Variants in CARD10 observed in about 807,000 individuals in gnomAD.
The protein encoded by CARD10 is caspase recruitment domain family member 10.
Under a neutral mutation model 114.6 loss-of-function variants are expected in CARD10, and 49 were observed. The ratio of observed to expected loss-of-function variants is 0.43; its 90% confidence interval spans 0.34 to 0.54. The LOEUF is 0.54. Ranked by LOEUF, CARD10 falls within the 20% of genes least tolerant of loss-of-function variation. The probability of loss-of-function intolerance (pLI) is 0.03; values close to 1 mark genes in which losing one functional copy is unlikely to be tolerated. For synonymous variants in CARD10, 602 were observed against 593.2 expected (o/e 1.01, Z -0.21); for missense variants, 1,206 against 1,397.2 (o/e 0.86, Z 2.18).
chr22:37,494,216 T>A, intron 15 of CARD10, 28 bp from the exon 16 acceptor site: 1 of 1,467,004 alleles, frequency 6.8e-7, no homozygotes, highest in South Asian at 1.2e-5. Flanking sequence ...CAGAGGAGCA[T>A]CTGAGAGCTC....
At chr22:37,511,664 G>C (rs984199878) in intron 3 of CARD10, among the ~76,000 whole-genome samples, 7 of 151,836 alleles carry the variant, frequency 4.6e-5, no homozygotes, top group Admixed American at 2.6e-4. Flanking sequence ...GAGGGGAGAG[G>C]AGAGGGCAAT....
Position 37,491,336 on chromosome 22 carries a change from G to C in CARD10, c.2922C>G (p.Gly974=), listed in dbSNP as rs566988088. 1.9e-6 allele frequency: 3 copies of C among 1,549,762 alleles called. No homozygotes were observed. The South Asian group carries it at 3.5e-5, about 18-fold the overall frequency. Residue 974 remains glycine, a synonymous_variant, in exon 20 of 20, where the codon GGC becomes GGG. Coordinates refer to ENST00000251973, the MANE Select transcript of CARD10 (RefSeq NM_014550.4). ...RDSELLRQCR[G]SEQVLWGLPC... is the part of the protein sequence containing the mutation. ...GCAGCCCCCAGAGCACCTGCTCTGAGCCACGGCACTGCCGCAGCAGCTCTG... is the reference window on the plus strand; with the variant it reads ...GCAGCCCCCAGAGCACCTGCTCTGACCCACGGCACTGCCGCAGCAGCTCTG...
chr22:37,492,852 T>C lies in CARD10; in HGVS notation c.2477-50A>G, dbSNP rs1922856599. The C allele has an allele frequency of 6.3e-7, 1 of 1,579,060 alleles. No individual in the cohort carries two copies. The highest frequency in any genetic ancestry group is 8.6e-7 in the Non-Finnish European group (1 of 1,166,772). ...GAGATAAGGGCACAGGCAGGCAGCA[T>C]ACCAGCTCGTCGATACCCCAAAACC... On this transcript the variant is annotated intron_variant, in intron 16 of 19. Transcript: ENST00000251973. The surrounding 1 kb of genome is among the most constrained non-coding windows in gnomAD (Gnocchi z 5.7).
intron 3 of CARD10, chr22:37,514,531 AG>A (rs1923769484): frequency 6.6e-6 from 1 of 152,466 alleles, no homozygotes; most frequent in Non-Finnish European, 1.5e-5. Flanking sequence ...TACATCCTCA[AG>A]CAGGACCAGC....
chr22:37,505,783 C>T (rs1161992022), intron 7 of CARD10, among the ~76,000 whole-genome samples: 3 of 152,132 alleles, frequency 2.0e-5, no homozygotes, highest in Non-Finnish European at 2.9e-5. Context: ...GGGCCCTGTG[C>T]GATGAGAGGA....
At chr22:37,509,676 T>A (rs1294810508) in intron 4 of CARD10, among the ~76,000 whole-genome samples, 1 of 141,510 alleles carries the variant, frequency 7.1e-6, no homozygotes, top group African/African-American at 2.8e-5. Context: ...CCCTGGTACC[T>A]GCTGCAGGCC....
At chr22:37,498,338 C>G (rs1923081780) in intron 11 of CARD10, among the ~76,000 whole-genome samples, 1 of 152,212 alleles carries the variant, frequency 6.6e-6, no homozygotes, top group African/African-American at 2.4e-5. Context: ...TGGTAGGGTT[C>G]TGCCTGTCCC....
In CARD10 at chr22:37,504,242, G is replaced by A. The variant is rs757890774; in HGVS notation, c.1578C>T (p.Pro526=). 1.1e-5 allele frequency: 17 copies of A among 1,576,284 alleles called. No individual in the cohort carries two copies. In the Admixed American group the frequency reaches 3.1e-4, roughly 29 times the overall value. ...INRLSILPFP[P]SAGSILRRQR... ...GCCGGCGGAGGATGGAGCCGGCACT[G>A]GGGGGGAAGGGCAGGATGGAGAGCC... Residue 526 remains proline, a synonymous_variant, in exon 9 of 20, where the codon CCC becomes CCT. Coordinates refer to ENST00000251973, the MANE Select transcript of CARD10 (RefSeq NM_014550.4).
At chr22:37,509,050 C>T (rs1175118025) in intron 4 of CARD10, 1 of 1,549,914 alleles carries the variant, frequency 6.5e-7, no homozygotes, top group Admixed American at 2.0e-5. Context: ...GACCTACTCC[C>T]ACCCCCATGA....
At chr22:37,495,644 C>T in intron 14 of CARD10, 58 bp from the exon 15 acceptor site, 4 of 1,611,148 alleles carry the variant, frequency 2.5e-6, no homozygotes, top group Non-Finnish European at 3.4e-6. Flanking sequence ...CATTTCTCCT[C>T]GAACCCCCCG....
chr22:37,496,689 T>C lies in CARD10; in HGVS notation c.1948-129A>G. On this transcript the variant is annotated intron_variant, in intron 12 of 19. Coordinates refer to ENST00000251973, the MANE Select transcript of CARD10 (RefSeq NM_014550.4). The surrounding 1 kb of genome is among the most constrained non-coding windows in gnomAD (Gnocchi z 4.1). ...GTTCAGATAGCGCCCCCTCAGAAACTGCCATGCCCAGCCCAGTCAGACCCG... is the reference window on the plus strand; with the variant it reads ...GTTCAGATAGCGCCCCCTCAGAAACCGCCATGCCCAGCCCAGTCAGACCCG... The C allele has an allele frequency of 9.5e-6, 7 of 739,362 alleles. No individual in the cohort carries two copies. The highest frequency in any genetic ancestry group is 1.6e-5 in the Non-Finnish European group (7 of 436,788). The allele number at this position is 739,362 out of a possible 1,614,324, so 45.8% of individuals were successfully genotyped here. A position where few individuals can be genotyped will look rare whatever the true frequency, so the allele number is the denominator to read the frequency against.
intron 11 of CARD10, among the ~76,000 whole-genome samples, chr22:37,498,963 T>C (rs1210839019): frequency 1.3e-5 from 2 of 151,076 alleles, no homozygotes; most frequent in African/African-American, 4.9e-5. Context: ...ACCAGAGGAC[T>C]CTGGGGCCTC....
chr22:37,509,178 A>T (rs1385210494), intron 4 of CARD10: 6 of 1,433,228 alleles, frequency 4.2e-6, no homozygotes, highest in Non-Finnish European at 5.5e-6. Flanking sequence ...ACTGGCTCTC[A>T]TCCCCCACTT....
chr22:37,508,840 C>A (rs1264403866), intron 4 of CARD10, among the ~76,000 whole-genome samples, 158 bp from the exon 5 acceptor site: 1 of 152,226 alleles, frequency 6.6e-6, no homozygotes, highest in African/African-American at 2.4e-5. Context: ...TCTGTCTCCC[C>A]ATCGGCAGAG....
rs567272920 is a variant in CARD10 at position 37,496,317 on chromosome 22, C to T, written c.2059+132G>A. 1.1e-3 allele frequency: 722 copies of T among 663,756 alleles called. 19 individuals carry two copies. In the South Asian group the frequency reaches 0.013, roughly 12 times the overall value. The allele number at this position is 663,756 out of a possible 1,614,324, so 41.1% of individuals were successfully genotyped here. On this transcript the variant is annotated intron_variant, in intron 13 of 19. Coordinates refer to ENST00000251973, the MANE Select transcript of CARD10 (RefSeq NM_014550.4). This position sits in a 1 kb window ranked among gnomAD's most constrained non-coding sequence, Gnocchi z 4.1. ...ACAGACAGAAGGAGGCATCAGCAGG[C>T]GGGGAGCCAGGAGAAGGGCAATTGG...
chr22:37,498,253 G>T (rs1326512705), intron 11 of CARD10, among the ~76,000 whole-genome samples: 1 of 152,172 alleles, frequency 6.6e-6, no homozygotes, highest in East Asian at 1.9e-4. Context: ...GGAGGGCGTG[G>T]AACAGAGGCG....
At chr22:37,500,988 C>G (rs1923191719) in intron 11 of CARD10, among the ~76,000 whole-genome samples, 1 of 152,102 alleles carries the variant, frequency 6.6e-6, no homozygotes, top group Non-Finnish European at 1.5e-5. Context: ...GAGACATGCC[C>G]AAGGTCCCAC....
intron 6 of CARD10, 66 bp downstream of exon 6, chr22:37,507,763 C>G: frequency 6.3e-7 from 1 of 1,598,068 alleles, no homozygotes; most frequent in Non-Finnish European, 8.6e-7. Context: ...CTCCATTGCT[C>G]CTTGTCTCCT....
chr22:37,519,338 C>T lies in CARD10; in HGVS notation c.-138G>A. ...GGGGCGCGCCCCGAGCTCCCCGCGA[C>T]TCACCCCGCACGCTACAGTCGCCTC... On this transcript the variant is annotated 5_prime_UTR_variant, in exon 1 of 20. Coordinates refer to ENST00000251973, the MANE Select transcript of CARD10 (RefSeq NM_014550.4). This position sits in a 1 kb window ranked among gnomAD's most constrained non-coding sequence, Gnocchi z 4.1. 7.5e-7 allele frequency: 1 copy of T among 1,332,622 alleles called. No individual in the cohort carries two copies. Among genetic ancestry groups the T allele is most frequent in the Non-Finnish European group, 9.6e-7 (1 of 1,044,944 alleles). The allele number at this position is 1,332,622 out of a possible 1,614,324, so 82.5% of individuals were successfully genotyped here. A position where few individuals can be genotyped will look rare whatever the true frequency, so the allele number is the denominator to read the frequency against.
Sources: allele counts gnomAD v4.1 joint callset (sites outside exome capture counted in the v4.1 genomes callset), GRCh38; gene constraint gnomAD v4.1.1; non-coding constraint Gnocchi (gnomAD v3.1); transcripts MANE v1.5; gene names NCBI Gene and HGNC (gene_info 2026-07-23, HGNC 2026-07-21).